Variants in AFTPH observed in about 807,000 individuals in gnomAD.
AFTPH encodes the protein aftiphilin protein.
A neutral mutation model predicts 72.5 loss-of-function variants in AFTPH; 7 were observed. The ratio of observed to expected loss-of-function variants is 0.10; its 90% CI spans 0.05 to 0.18. The LOEUF (loss-of-function observed/expected upper bound fraction) is 0.18. Ranked by LOEUF, AFTPH falls within the 10% of genes least tolerant of loss-of-function variation. The pLI is 1.00. For missense variants in AFTPH, 979 were observed against 1,060.5 expected, an observed-to-expected ratio of 0.92 and a Z score of 1.07; for synonymous variants, 337 against 370.1, an observed-to-expected ratio of 0.91 and a Z score of 1.03.
At chr2:64,525,234 T>G (rs546691158) in intron 1 of AFTPH, among the ~76,000 whole-genome samples, 19 of 152,254 alleles carry the variant, frequency 1.2e-4, no homozygotes, top group Non-Finnish European at 2.5e-4. Context: ...CAGTTTGCGT[T>G]TGAAAAGTTG....
intron 7 of AFTPH, 116 bp from the exon 8 acceptor site, chr2:64,581,074 T>C (rs1673168432): frequency 1.6e-6 from 1 of 619,346 alleles, no homozygotes; most frequent in African/African-American, 1.9e-5. Flanking sequence ...GTGTAATGAT[T>C]ACTAATTATA....
intron 2 of AFTPH, among the ~76,000 whole-genome samples, chr2:64,559,988 G>A (rs1235247919): frequency 6.6e-6 from 1 of 152,194 alleles, no homozygotes; most frequent in African/African-American, 2.4e-5. Flanking sequence ...ATAGGCATGA[G>A]CCACCATGCT....
At chr2:64,569,716 A>G in intron 5 of AFTPH, 37 bp downstream of exon 5, 2 of 1,554,252 alleles carry the variant, frequency 1.3e-6, no homozygotes, top group Non-Finnish European at 1.8e-6. Flanking sequence ...ATTTATCATT[A>G]CTGCATCTAT....
intron 8 of AFTPH, among the ~76,000 whole-genome samples, chr2:64,588,044 T>G (rs1200132830): frequency 6.6e-6 from 1 of 152,216 alleles, no homozygotes; most frequent in Non-Finnish European, 1.5e-5. Flanking sequence ...CCATCATCAC[T>G]ATCTAATTCC....
intron 6 of AFTPH, 133 bp downstream of exon 6, chr2:64,573,201 TTTGA>T: frequency 1.4e-6 from 1 of 691,424 alleles, no homozygotes; most frequent in Non-Finnish European, 2.4e-6. Flanking sequence ...TGGACATGAT[TTTGA>T]TTAATTAACA....
chr2:64,554,739 T>C (rs1671255673), intron 2 of AFTPH, among the ~76,000 whole-genome samples: 1 of 152,232 alleles, frequency 6.6e-6, no homozygotes, highest in Non-Finnish European at 1.5e-5. Context: ...GGCAGAACCT[T>C]GCCATTTTAA....
chr2:64,527,081 C>G (rs1273809452), intron 1 of AFTPH, among the ~76,000 whole-genome samples: 1 of 152,118 alleles, frequency 6.6e-6, no homozygotes, highest in African/African-American at 2.4e-5. Flanking sequence ...CCAAGTCAGA[C>G]TAAAAGTGAC....
chr2:64,525,957 T>C (rs1259152998), intron 1 of AFTPH, among the ~76,000 whole-genome samples: 3 of 152,248 alleles, frequency 2.0e-5, no homozygotes, highest in Admixed American at 6.5e-5. Flanking sequence ...TAGCTCTAGT[T>C]GTTCCTCCGT....
At chr2:64,552,252 A>G (rs1342920262) in exon 2 of AFTPH, 2 of 1,613,886 alleles carry the variant, frequency 1.2e-6, no homozygotes, top group Non-Finnish European at 1.7e-6. Flanking sequence ...AGAAGCACTA[A>G]CCATTCGGGA....
chr2:64,568,346 T>C (rs1163809997), intron 3 of AFTPH, among the ~76,000 whole-genome samples: 1 of 152,172 alleles, frequency 6.6e-6, no homozygotes, highest in Non-Finnish European at 1.5e-5. Context: ...CCTGGACTTC[T>C]CTTTTTCATT....
Position 64,588,490 on chromosome 2 carries a change from G to A in AFTPH, c.2579+2945G>A, listed in dbSNP as rs536070725. ...TCTTATAGGAACTCTAACTTCTTTG[G>A]GGAACTGCCAAACTTTTCCAAAGTG... On this transcript the variant is annotated intron_variant, in intron 8 of 8. Transcript: ENST00000238856. 1.3e-4 allele frequency among the ~76,000 whole-genome samples: 20 copies of A among 152,120 alleles called. No individual in the cohort carries two copies. In the East Asian group the frequency reaches 1.5e-3, roughly 12 times the overall value.
intron 1 of AFTPH, among the ~76,000 whole-genome samples, chr2:64,531,301 T>G (rs748141957): frequency 2.6e-5 from 4 of 152,150 alleles, no homozygotes; most frequent in Non-Finnish European, 4.4e-5. Context: ...GGAAAGCCTG[T>G]TACTTTCTAA....
chr2:64,524,904 T>C (rs529885792), intron 1 of AFTPH, among the ~76,000 whole-genome samples: 17 of 152,338 alleles, frequency 1.1e-4, no homozygotes, highest in African/African-American at 3.6e-4. Context: ...CCGCCGGCTC[T>C]CCCTGCCCCT....
chr2:64,533,123 TGTG>T (rs976873969), intron 1 of AFTPH, among the ~76,000 whole-genome samples: 1 of 152,092 alleles, frequency 6.6e-6, no homozygotes, highest in African/African-American at 2.4e-5. Context: ...CTAGGCCAGG[TGTG>T]GTGGCTCATG....
rs78987197 is a variant in AFTPH, at chr2:64,550,470, A to G, written c.-32-973A>G. ...AAAAGCCAGCTTCAAAGGGTTATGT[A>G]TTGTGTGATTCTATTTATATATAAC... On this transcript the variant is annotated intron_variant, in intron 1 of 8. Transcript: ENST00000238856. 5.5e-3 allele frequency among the ~76,000 whole-genome samples: 835 copies of G among 152,288 alleles called. 10 individuals are homozygous for G. Among genetic ancestry groups the G allele is most frequent in the African/African-American group, 0.019 (790 of 41,550 alleles).
At chr2:64,569,490 G>T in intron 4 of AFTPH, 133 bp from the exon 5 acceptor site, 1 of 1,065,602 alleles carries the variant, frequency 9.4e-7, no homozygotes, top group Non-Finnish European at 1.4e-6. Flanking sequence ...ACCCATATGG[G>T]CAATTTTTAA....
chr2:64,539,994 G>A (rs957268007), intron 1 of AFTPH, among the ~76,000 whole-genome samples: 1 of 152,130 alleles, frequency 6.6e-6, no homozygotes, highest in African/African-American at 2.4e-5. Context: ...TTATAGGAAA[G>A]GATCAATAGT....
intron 1 of AFTPH, among the ~76,000 whole-genome samples, chr2:64,550,675 A>T (rs939690574): frequency 8.1e-6 from 1 of 123,978 alleles, no homozygotes; most frequent in Admixed American, 8.3e-5. Context: ...AACTGTACGC[A>T]TGCACACACA....
At chr2:64,552,222 T>C in exon 2 of AFTPH, 2 of 1,613,842 alleles carry the variant, frequency 1.2e-6, no homozygotes, top group Non-Finnish European at 1.7e-6. Context: ...AGAAATAGAA[T>C]GTGCAGTTTT....
Sources: allele counts gnomAD v4.1 joint callset (sites outside exome capture counted in the v4.1 genomes callset), GRCh38; gene constraint gnomAD v4.1.1; transcripts MANE v1.5; gene names NCBI Gene and HGNC (gene_info 2026-07-23, HGNC 2026-07-21).